The following IQCH variants were observed in gnomAD, a reference collection of about 807,000 sequenced individuals.
The protein encoded by IQCH is IQ motif containing H.
IQCH carries 98 observed loss-of-function variants against 117.0 expected under a neutral mutation model. The ratio of observed to expected loss-of-function variants is 0.84; its 90% CI spans 0.71 to 0.99. The LOEUF is 0.99. Among genes scored for constraint, IQCH ranks in the 50% least tolerant of loss-of-function variants. The probability of loss-of-function intolerance (pLI) is 0.00; values close to 1 mark genes in which losing one functional copy is unlikely to be tolerated. For synonymous variants in IQCH, 412 were observed against 448.2 expected, an observed-to-expected ratio of 0.92 and a Z score of 1.02; for missense variants, 1,102 against 1,243.8, an observed-to-expected ratio of 0.89 and a Z score of 1.72.
At chr15:67,412,864 T>C (rs2081484069) in intron 14 of IQCH, among the ~76,000 whole-genome samples, 1 of 152,206 alleles carries the variant, frequency 6.6e-6, no homozygotes, top group South Asian at 2.1e-4. Context: ...TTGTTGAAGC[T>C]CACTGAGTGA....
At chr15:67,379,091 G>A (rs1396787328) in intron 10 of IQCH, among the ~76,000 whole-genome samples, 1 of 152,096 alleles carries the variant, frequency 6.6e-6, no homozygotes, top group Admixed American at 6.6e-5. Context: ...AAAAAATTTA[G>A]TGAGAAGGGT....
intron 4 of IQCH, among the ~76,000 whole-genome samples, chr15:67,314,577 A>T (rs536276216): frequency 6.6e-6 from 1 of 151,622 alleles, no homozygotes; most frequent in Non-Finnish European, 1.5e-5. Flanking sequence ...AAAAACCCTT[A>T]GAAAATGTCC....
rs114743177 is a variant in IQCH at position 67,309,158 on chromosome 15, G to T, written c.388-27817G>T. Among the ~76,000 whole-genome samples the T allele has an allele frequency of 6.6e-3, 1,008 of 152,180 alleles. 12 individuals are homozygous for T. The highest frequency in any genetic ancestry group is 0.023 in the African/African-American group (963 of 41,532). ...TAGGATTGTATTGAGTTTTTAATGA[G>T]ATAATTCAAAGCACTTAACAAAGGT... On this transcript the variant is annotated intron_variant, in intron 4 of 20. Transcript: ENST00000335894.
chr15:67,485,688 C>T (rs1276708040), intron 18 of IQCH, among the ~76,000 whole-genome samples: 1 of 152,036 alleles, frequency 6.6e-6, no homozygotes, highest in Non-Finnish European at 1.5e-5. Flanking sequence ...GAGATGGAGT[C>T]TCACTCTGTC....
intron 16 of IQCH, among the ~76,000 whole-genome samples, chr15:67,434,718 C>T (rs1349507980): frequency 2.0e-5 from 3 of 151,868 alleles, no homozygotes; most frequent in African/African-American, 7.3e-5. Context: ...TTCCCACTAA[C>T]AGTGTATAAG....
rs56656205 is a variant in IQCH, at chr15:67,375,782, A to AT, written c.1372+2371dup. ...TTTGTTTCTACAATCTTTGTTTTGG[A>AT]TTTTTTTTTTTTTTTTTTTTTTGAG... On this transcript the variant is annotated intron_variant, in intron 10 of 20. Coordinates refer to ENST00000335894, the MANE Select transcript of IQCH (RefSeq NM_001031715.3). 7.4e-3 allele frequency among the ~76,000 whole-genome samples: 671 copies of AT among 90,322 alleles called. 13 individuals carry two copies. The highest frequency in any genetic ancestry group is 0.022 in the African/African-American group (531 of 24,648). The allele number at this position is 90,322 out of a possible 152,430, so 59.3% of individuals were successfully genotyped here. A position where few individuals can be genotyped will look rare whatever the true frequency, so the allele number is the denominator to read the frequency against.
At chr15:67,449,476 T>C (rs2082467537) in intron 16 of IQCH, among the ~76,000 whole-genome samples, 3 of 152,200 alleles carry the variant, frequency 2.0e-5, no homozygotes, top group Admixed American at 2.0e-4. Context: ...ATTTATTAAA[T>C]AGGGAATCCT....
chr15:67,348,486 A>G (rs1449753453), intron 6 of IQCH, among the ~76,000 whole-genome samples: 1 of 152,174 alleles, frequency 6.6e-6, no homozygotes, highest in African/African-American at 2.4e-5. Flanking sequence ...GAAATGAACA[A>G]TTGGAAATCG....
In IQCH at chr15:67,447,481, A is replaced by G. The variant is rs2082416536; in HGVS notation, c.2506-17646A>G. On this transcript the variant is annotated intron_variant, in intron 16 of 20. Transcript: ENST00000335894. This position sits in a 1 kb window ranked among gnomAD's most constrained non-coding sequence, Gnocchi z 5.3. ...TCCAAAAGGTTCCCTTATGATAAGC[A>G]TGTAGTACCTGGGACTCAACCCTCT... is the stretch of plus-strand genomic sequence containing the variant. Among the ~76,000 whole-genome samples the G allele has an allele frequency of 6.6e-6, 1 of 152,158 alleles. No homozygotes were observed. The highest frequency in any genetic ancestry group is 1.5e-5 in the Non-Finnish European group (1 of 68,028).
intron 4 of IQCH, among the ~76,000 whole-genome samples, chr15:67,283,084 T>C (rs1244990156): frequency 1.3e-5 from 2 of 152,212 alleles, no homozygotes; most frequent in Non-Finnish European, 2.9e-5. Flanking sequence ...GCGAAATCAA[T>C]ATGGACTCCA....
intron 16 of IQCH, among the ~76,000 whole-genome samples, chr15:67,455,593 T>A (rs1314871192): frequency 6.6e-6 from 1 of 152,196 alleles, no homozygotes; most frequent in Non-Finnish European, 1.5e-5. Flanking sequence ...CACATGCTCA[T>A]CCTTACCGAG....
intron 1 of IQCH, 188 bp downstream of exon 1, chr15:67,255,135 ACCCT>A: frequency 1.6e-6 from 1 of 626,434 alleles, no homozygotes; most frequent in Non-Finnish European, 2.9e-6. Context: ...CCGGTGACTT[ACCCT>A]GTAGGTTACG....
intron 6 of IQCH, among the ~76,000 whole-genome samples, chr15:67,350,372 G>C (rs1969602132): frequency 6.6e-6 from 1 of 152,146 alleles, no homozygotes; most frequent in Non-Finnish European, 1.5e-5. Flanking sequence ...GAGAGTAGTT[G>C]ACTGTAAAAG....
Position 67,388,915 on chromosome 15 carries a change from A to C in IQCH, c.1541A>C (p.His514Pro). 1.2e-6 allele frequency: 2 copies of C among 1,613,960 alleles called. No individual in the cohort carries two copies. The highest frequency in any genetic ancestry group is 1.7e-6 in the Non-Finnish European group (2 of 1,179,860). The change falls in exon 12 of 21, where the codon CAT (histidine) becomes CCT (proline). Residue 514 changes from histidine (H) to proline (P), a missense_variant. Physicochemically the swap from His to Pro is moderately conservative, Grantham distance 77. Coordinates refer to ENST00000335894, the MANE Select transcript of IQCH (RefSeq NM_001031715.3). This position sits in a 1 kb window ranked among gnomAD's most constrained non-coding sequence, Gnocchi z 5.5. Reference sequence around the variant, plus strand: ...TATTACAAAAAAATCCTAAGTCTACATGCAGCCGTCAAATCTGGGAACCTT... The same window carrying C: ...TATTACAAAAAAATCCTAAGTCTACCTGCAGCCGTCAAATCTGGGAACCTT... ...VLYYKKILSL[H>P]AAVKSGNLED... is the part of the protein sequence containing the mutation.
At chr15:67,343,179 CTTCAACTTAG>C (rs1969245522) in intron 5 of IQCH, among the ~76,000 whole-genome samples, 1 of 152,150 alleles carries the variant, frequency 6.6e-6, no homozygotes, top group Non-Finnish European at 1.5e-5. Flanking sequence ...GTGCCAAATT[CTTCAACTTAG>C]GCCAACTTGA....
chr15:67,303,112 A>G, intron 4 of IQCH, among the ~76,000 whole-genome samples: 1 of 152,284 alleles, frequency 6.6e-6, no homozygotes, highest in African/African-American at 2.4e-5. Flanking sequence ...ATCACCCTCA[A>G]AACTAAGACA....
At position 67,425,843 on chromosome 15, in the gene IQCH, T is replaced by C. The variant is rs2081875151; in HGVS notation, c.2505+4266T>C. Among the ~76,000 whole-genome samples, 1 of 152,190 alleles carries C rather than the reference T, an allele frequency of 6.6e-6. No individual in the cohort carries two copies. The highest frequency in any genetic ancestry group is 2.4e-5 in the African/African-American group (1 of 41,462). ...CTGGCAATCTACTGCAAGAAACAAT[T>C]TTCCTTCTCCACCTCTCATTTATGC... On this transcript the variant is annotated intron_variant, in intron 16 of 20. Transcript: ENST00000335894. This position sits in a 1 kb window ranked among gnomAD's most constrained non-coding sequence, Gnocchi z 5.5.
chr15:67,344,182 C>G lies in IQCH; in HGVS notation c.628C>G (p.Pro210Ala), dbSNP rs1969288479. ...LHSFDEARKIPTVATFTIPRE... is the reference protein window; with the variant it reads ...LHSFDEARKIATVATFTIPRE... Reference sequence around the variant, plus strand: ...TAGTTTTGATGAAGCACGTAAGATTCCAACTGTAGGTAAGATACTCATGCA... The same window carrying G: ...TAGTTTTGATGAAGCACGTAAGATTGCAACTGTAGGTAAGATACTCATGCA... The change falls in exon 6 of 21, where the codon CCA becomes GCA. Residue 210 changes from proline to alanine, a missense_variant. By Grantham distance (27) the Pro-to-Ala change is conservative. Transcript: ENST00000335894. 6.2e-7 allele frequency: 1 copy of G among 1,613,058 alleles called. No homozygotes were observed. Among genetic ancestry groups the G allele is most frequent in the South Asian group, 1.1e-5 (1 of 90,970 alleles).
Position 67,394,765 on chromosome 15 carries a change from CATT to C in IQCH, c.1633-523_1633-521del, listed in dbSNP as rs1971404333. Among the ~76,000 whole-genome samples the C allele has an allele frequency of 2.0e-5, 3 of 152,084 alleles. No individual in the cohort carries two copies. In the South Asian group the frequency reaches 6.2e-4, roughly 32 times the overall value. ...AGTTGTTGCCTAGAACCATGATAAT[CATT>C]ATAAAAGTGCATATTATCTGAAGCA... On this transcript the variant is annotated intron_variant, in intron 12 of 20. Transcript: ENST00000335894.
Sources: gnomAD v4.1 joint callset for allele counts (sites outside exome capture counted in the v4.1 genomes callset) on GRCh38, gnomAD v4.1.1 for gene constraint, Gnocchi (gnomAD v3.1) non-coding constraint, MANE v1.5 for transcripts, NCBI Gene and HGNC (gene_info 2026-07-23, HGNC 2026-07-21) for gene names.